The following LRFN5 variants were observed in gnomAD, a reference collection of about 807,000 sequenced individuals.
The protein encoded by LRFN5 is leucine rich repeat and fibronectin type III domain containing 5, also known as leucine-rich repeat and fibronectin type-III domain-containing protein 5.
A neutral mutation model predicts 45.6 loss-of-function variants in LRFN5; 24 were observed. The ratio of observed to expected loss-of-function variants is 0.53; its 90% confidence interval spans 0.38 to 0.74. LRFN5 has a LOEUF of 0.74. Ranked by LOEUF, LRFN5 falls within the 30% of genes least tolerant of loss-of-function variation. The pLI is 0.00. For synonymous variants in LRFN5, 340 were observed against 313.8 expected (o/e 1.08, Z -0.88); for missense variants, 776 against 861.5 (o/e 0.90, Z 1.24).
chr14:41,621,373 A>G (rs917160193), intron 1 of LRFN5, among the ~76,000 whole-genome samples: 2 of 152,116 alleles, frequency 1.3e-5, no homozygotes, highest in Non-Finnish European at 2.9e-5. Context: ...TGGAGAAACT[A>G]TGTGAGCTGA....
intron 1 of LRFN5, among the ~76,000 whole-genome samples, chr14:41,641,446 A>G (rs2138598590): frequency 6.6e-6 from 1 of 152,188 alleles, no homozygotes; most frequent in Non-Finnish European, 1.5e-5. Flanking sequence ...TTTAAGTTTC[A>G]AATTTTAGCT....
At chr14:41,849,460 T>C (rs542353181) in intron 2 of LRFN5, among the ~76,000 whole-genome samples, 1 of 150,466 alleles carries the variant, frequency 6.6e-6, no homozygotes, top group South Asian at 2.1e-4. Flanking sequence ...AAAACAAAAG[T>C]GGGAGGCTCT....
chr14:41,862,861 C>CTTTTTT (rs536861522), intron 2 of LRFN5, among the ~76,000 whole-genome samples: 8 of 110,218 alleles, frequency 7.3e-5, no homozygotes, highest in East Asian at 5.5e-4. Context: ...TTAAGTCTCT[C>CTTTTTT]TTTTTTTTTT....
At chr14:41,678,133 A>G (rs1015617948) in intron 1 of LRFN5, among the ~76,000 whole-genome samples, 2 of 152,074 alleles carry the variant, frequency 1.3e-5, no homozygotes, top group African/African-American at 4.8e-5. Flanking sequence ...ACTAAAAAAG[A>G]GCTAGAGTGG....
chr14:41,618,863 T>A (rs181538656), intron 1 of LRFN5, among the ~76,000 whole-genome samples: 137 of 152,308 alleles, frequency 9.0e-4, no homozygotes, highest in Admixed American at 6.5e-3. Flanking sequence ...CATATATTTT[T>A]GAGGCAGAAT....
At chr14:41,857,410 T>C (rs1309484641) in intron 2 of LRFN5, among the ~76,000 whole-genome samples, 1 of 152,154 alleles carries the variant, frequency 6.6e-6, no homozygotes, top group Non-Finnish European at 1.5e-5. Flanking sequence ...ATTTAGGAAA[T>C]AAATAGATGG....
intron 2 of LRFN5, among the ~76,000 whole-genome samples, chr14:41,873,790 T>C (rs185405457): frequency 4.7e-4 from 71 of 152,334 alleles, no homozygotes; most frequent in Non-Finnish European, 7.4e-4. Flanking sequence ...ATGATCATTC[T>C]TTCTGCATTG....
At chr14:41,742,920 C>T (rs1884766517) in intron 1 of LRFN5, 1 of 155,234 alleles carries the variant, frequency 6.4e-6, no homozygotes, top group Non-Finnish European at 1.4e-5. Context: ...TATCATCCCT[C>T]CCAGTGCTAT....
intron 2 of LRFN5, among the ~76,000 whole-genome samples, chr14:41,884,563 G>T (rs139754833): frequency 6.6e-6 from 1 of 152,184 alleles, no homozygotes; most frequent in Non-Finnish European, 1.5e-5. Context: ...GAGTCCAGTG[G>T]TCGCAGGCTG....
chr14:41,802,911 C>G (rs1457434203), intron 2 of LRFN5, among the ~76,000 whole-genome samples: 1 of 152,098 alleles, frequency 6.6e-6, no homozygotes, highest in Non-Finnish European at 1.5e-5. Flanking sequence ...TTACTGAAGA[C>G]AAATTGTAAG....
At chr14:41,778,061 T>G (rs954246409) in intron 2 of LRFN5, among the ~76,000 whole-genome samples, 2 of 151,184 alleles carry the variant, frequency 1.3e-5, no homozygotes, top group Non-Finnish European at 3.0e-5. Flanking sequence ...TATCTCAATA[T>G]TTGATAATTT....
chr14:41,622,684 C>A lies in LRFN5; in HGVS notation c.-197+14122C>A, dbSNP rs541504357. On this transcript the variant is annotated intron_variant, in intron 1 of 5. Coordinates refer to ENST00000298119, the MANE Select transcript of LRFN5 (RefSeq NM_152447.5). ...AGTAAAATTATAGAAGGGAATATGACAATGGCTGCATTTAAATATAATTTT... is the reference window on the plus strand; with the variant it reads ...AGTAAAATTATAGAAGGGAATATGAAAATGGCTGCATTTAAATATAATTTT... Among the ~76,000 whole-genome samples, 41 of 152,016 alleles carry A rather than the reference C, an allele frequency of 2.7e-4. 1 individual carries two copies. The highest frequency in any genetic ancestry group is 5.0e-4 in the Non-Finnish European group (34 of 67,966).
intron 1 of LRFN5, among the ~76,000 whole-genome samples, chr14:41,675,783 G>A (rs982716555): frequency 6.6e-6 from 1 of 152,024 alleles, no homozygotes; most frequent in Admixed American, 6.5e-5. Flanking sequence ...ATGTAATAAT[G>A]AGCTTTGCAG....
intron 2 of LRFN5, among the ~76,000 whole-genome samples, chr14:41,790,246 A>G (rs112795946): frequency 0.012 from 1,872 of 151,926 alleles, 39 homozygotes; most frequent in African/African-American, 0.043. Context: ...AAACAACTTT[A>G]TTATTATTTT....
At chr14:41,759,985 G>A (rs533606022) in intron 1 of LRFN5, among the ~76,000 whole-genome samples, 7 of 152,212 alleles carry the variant, frequency 4.6e-5, no homozygotes, top group African/African-American at 1.2e-4. Flanking sequence ...CTTATACCTG[G>A]TTTTTTCCAG....
intron 1 of LRFN5, among the ~76,000 whole-genome samples, chr14:41,648,265 A>G (rs1191376427): frequency 1.3e-5 from 2 of 152,154 alleles, no homozygotes; most frequent in South Asian, 2.1e-4. Flanking sequence ...AAAAATTGAC[A>G]TTGGAAATGA....
At chr14:41,729,072 C>G in intron 1 of LRFN5, among the ~76,000 whole-genome samples, 1 of 152,150 alleles carries the variant, frequency 6.6e-6, no homozygotes, top group East Asian at 1.9e-4. Flanking sequence ...TGCAGTTAAT[C>G]AATCATTCAG....
intron 1 of LRFN5, among the ~76,000 whole-genome samples, chr14:41,704,440 C>CTGTGTGTGTGTGTG (rs1207281360): frequency 5.3e-4 from 67 of 125,346 alleles, no homozygotes; most frequent in East Asian, 1.5e-3. Context: ...CTCTCTCTCT[C>CTGTGTGTGTGTGTG]TCTCTCTCTG....
At chr14:41,868,495 A>G (rs565087892) in intron 2 of LRFN5, among the ~76,000 whole-genome samples, 1 of 152,244 alleles carries the variant, frequency 6.6e-6, no homozygotes, top group African/African-American at 2.4e-5. Context: ...TATCTAAAAA[A>G]TCCTGAATAA....
Sources: gnomAD v4.1 joint callset for allele counts (sites outside exome capture counted in the v4.1 genomes callset) on GRCh38, gnomAD v4.1.1 for gene constraint, MANE v1.5 for transcripts, NCBI Gene and HGNC (gene_info 2026-07-23, HGNC 2026-07-21) for gene names.